ROBO2: variants seen among roughly 807,000 people sequenced by gnomAD.
The protein encoded by ROBO2 is roundabout homolog 2.
Under a neutral mutation model 160.8 loss-of-function variants are expected in ROBO2, and 53 were observed. The observed-to-expected ratio is 0.33, with a 90% CI of 0.26 to 0.41. ROBO2 has a LOEUF of 0.41. ROBO2 is among the 10% of genes least tolerant of loss of function. ROBO2 has a pLI of 1.00. For synonymous variants in ROBO2, 664 were observed against 611.7 expected (o/e 1.09, Z -1.26); for missense variants, 1,577 against 1,722.4 (o/e 0.92, Z 1.49).
At chr3:77,160,677 G>A (rs1213174951) in intron 2 of ROBO2, among the ~76,000 whole-genome samples, 3 of 152,138 alleles carry the variant, frequency 2.0e-5, no homozygotes, top group Non-Finnish European at 4.4e-5. Flanking sequence ...CAGTTTAGAT[G>A]TGAGCAGTTG....
At chr3:76,684,261 A>G (rs1340338138) in intron 2 of ROBO2, among the ~76,000 whole-genome samples, 23 of 152,204 alleles carry the variant, frequency 1.5e-4, no homozygotes, top group Non-Finnish European at 2.9e-4. Flanking sequence ...GCATCCCCTC[A>G]GTTGGAAGCT....
chr3:76,783,192 C>G (rs2062760932), intron 2 of ROBO2, among the ~76,000 whole-genome samples: 1 of 150,790 alleles, frequency 6.6e-6, no homozygotes, highest in African/African-American at 2.4e-5. Flanking sequence ...ATATTGATGT[C>G]ACAATTTACA....
chr3:77,562,079 G>C (rs2093339117), intron 9 of ROBO2, among the ~76,000 whole-genome samples: 1 of 152,006 alleles, frequency 6.6e-6, no homozygotes, highest in African/African-American at 2.4e-5. Context: ...CTCCAGCCTA[G>C]GCAACAAGAG....
At chr3:76,600,709 T>C (rs866376280) in intron 2 of ROBO2, among the ~76,000 whole-genome samples, 1 of 152,134 alleles carries the variant, frequency 6.6e-6, no homozygotes, top group Non-Finnish European at 1.5e-5. Context: ...GGAGTTACAA[T>C]TCAAGATGAA....
chr3:76,879,738 A>G (rs1175819837), intron 2 of ROBO2, among the ~76,000 whole-genome samples: 2 of 152,152 alleles, frequency 1.3e-5, no homozygotes, highest in Non-Finnish European at 2.9e-5. Flanking sequence ...TTGTACCAGT[A>G]CTGTCTACAA....
chr3:77,343,059 AG>A (rs2067236285), intron 2 of ROBO2, among the ~76,000 whole-genome samples: 2 of 58,578 alleles, frequency 3.4e-5, no homozygotes, highest in African/African-American at 1.1e-4. Flanking sequence ...AGGTAGATGG[AG>A]AGAGAGAGAG....
chr3:76,506,127 C>T (rs558730342), intron 2 of ROBO2, among the ~76,000 whole-genome samples: 1 of 152,318 alleles, frequency 6.6e-6, no homozygotes, highest in African/African-American at 2.4e-5. Context: ...CAACAGCCCT[C>T]GGTGAATTCC....
intron 2 of ROBO2, among the ~76,000 whole-genome samples, chr3:76,129,031 T>G (rs2071116789): frequency 6.7e-6 from 1 of 148,756 alleles, no homozygotes; most frequent in East Asian, 2.0e-4. Context: ...TGAATAAACA[T>G]AGAACAAAGT....
chr3:77,542,731 G>A lies in ROBO2; in HGVS notation c.935-3607G>A, dbSNP rs142856021. Among the ~76,000 whole-genome samples, 603 of 152,052 alleles carry A rather than the reference G, an allele frequency of 4.0e-3. 2 individuals carry two copies. Among genetic ancestry groups the A allele is most frequent in the South Asian group, 6.7e-3 (32 of 4,806 alleles). ...AGCCCTGATGAAATGGTATCTTTAG[G>A]TGCTACTAAAAATAAAAATTCTCAA... On this transcript the variant is annotated intron_variant, in intron 6 of 25. Transcript: ENST00000461745.
intron 2 of ROBO2, among the ~76,000 whole-genome samples, chr3:76,508,678 A>G (rs2080920275): frequency 6.6e-6 from 1 of 152,210 alleles, no homozygotes; most frequent in African/African-American, 2.4e-5. Context: ...AAGTTGCTGA[A>G]GCAAATATAG....
intron 2 of ROBO2, among the ~76,000 whole-genome samples, chr3:76,351,180 T>G (rs185337632): frequency 2.0e-5 from 3 of 152,052 alleles, no homozygotes; most frequent in African/African-American, 4.8e-5. Flanking sequence ...AGAAAGTTTA[T>G]CATTATGCCA....
intron 2 of ROBO2, among the ~76,000 whole-genome samples, chr3:76,111,443 C>G (rs2070227034): frequency 4.6e-5 from 7 of 151,968 alleles, no homozygotes; most frequent in Admixed American, 4.6e-4. Context: ...ATTAAGCCAC[C>G]TGGATGTTTC....
intron 2 of ROBO2, among the ~76,000 whole-genome samples, chr3:77,248,493 T>C (rs1159607500): frequency 3.3e-5 from 5 of 152,088 alleles, no homozygotes; most frequent in African/African-American, 1.2e-4. Context: ...CTCAAAGGGT[T>C]TTGTCATACT....
intron 2 of ROBO2, among the ~76,000 whole-genome samples, chr3:77,455,948 G>A (rs967468517): frequency 3.3e-5 from 5 of 152,124 alleles, no homozygotes; most frequent in Admixed American, 2.6e-4. Flanking sequence ...AATCTGCAAA[G>A]TAAATGCAAA....
At chr3:76,705,944 C>A (rs2093152970) in intron 2 of ROBO2, among the ~76,000 whole-genome samples, 1 of 152,134 alleles carries the variant, frequency 6.6e-6, no homozygotes, top group Admixed American at 6.6e-5. Context: ...GTCAATGATT[C>A]TTTTTTCCAA....
chr3:77,581,354 T>G (rs2093914513), intron 16 of ROBO2, among the ~76,000 whole-genome samples: 1 of 152,130 alleles, frequency 6.6e-6, no homozygotes, highest in African/African-American at 2.4e-5. Flanking sequence ...TTCTTTGATA[T>G]TTAGTGCTTC....
At chr3:76,608,181 C>T (rs2109039048) in intron 2 of ROBO2, among the ~76,000 whole-genome samples, 1 of 152,306 alleles carries the variant, frequency 6.6e-6, no homozygotes, top group Admixed American at 6.5e-5. Flanking sequence ...TGTTACTTTG[C>T]CACACAGATG....
At position 77,164,942 on chromosome 3, in the gene ROBO2, G is replaced by A. The variant is rs1419621878; in HGVS notation, c.388+66602G>A. On this transcript the variant is annotated intron_variant, in intron 2 of 25. Transcript: ENST00000461745. ...CCCCGTCCGGGAGGGAGGTGGGGGC[G>A]GTCAGCCCCCCAACCCGGCCAGCCG... is the stretch of plus-strand genomic sequence containing the variant. Among the ~76,000 whole-genome samples the A allele has an allele frequency of 4.0e-5, 2 of 50,372 alleles. 1 individual carries two copies. Among genetic ancestry groups the A allele is most frequent in the East Asian group, 7.3e-4 (2 of 2,734 alleles). 33.0% of individuals were successfully genotyped at this position (50,372 alleles called of 152,430 possible).
intron 2 of ROBO2, among the ~76,000 whole-genome samples, chr3:76,190,570 CAT>C (rs1382656874): frequency 1.3e-5 from 2 of 152,030 alleles, no homozygotes; most frequent in Non-Finnish European, 2.9e-5. Context: ...AAAGCTTAGA[CAT>C]ATAACTTTAA....
Sources: allele counts gnomAD v4.1 joint callset (sites outside exome capture counted in the v4.1 genomes callset), GRCh38; gene constraint gnomAD v4.1.1; transcripts MANE v1.5; gene names NCBI Gene and HGNC (gene_info 2026-07-23, HGNC 2026-07-21).